PTPRG: variants seen among roughly 807,000 people sequenced by gnomAD.
PTPRG encodes protein tyrosine phosphatase receptor type G.
In PTPRG, 102 loss-of-function variants were observed where a neutral mutation model predicts 165.3. The observed-to-expected ratio is 0.62, with a 90% CI of 0.53 to 0.73. PTPRG has a LOEUF of 0.73. Ranked by LOEUF, PTPRG falls within the 30% of genes least tolerant of loss-of-function variation. PTPRG has a pLI of 0.00. For synonymous variants in PTPRG, 675 were observed against 669.5 expected (o/e 1.01, Z -0.13); for missense variants, 1,866 against 1,861.4 (o/e 1.00, Z -0.05).
rs1162341605 is a variant in PTPRG at position 62,275,820 on chromosome 3, A to G, written c.3466-53A>G. ...GGGATTTTTGCCAAAGCATCAAGCA[A>G]ATGCTATCAATTATATCTTTGAATG... is the stretch of plus-strand genomic sequence containing the variant. On this transcript the variant is annotated intron_variant, in intron 23 of 29. Coordinates refer to ENST00000474889, the MANE Select transcript of PTPRG (RefSeq NM_002841.4). The G allele has an allele frequency of 2.2e-6, 3 of 1,364,434 alleles. No homozygotes were observed. The African/African-American group carries it at 4.3e-5, about 20-fold the overall frequency. The allele number at this position is 1,364,434 out of a possible 1,614,324, so 84.5% of individuals were successfully genotyped here. A position where few individuals can be genotyped will look rare whatever the true frequency, so the allele number is the denominator to read the frequency against.
chr3:61,600,971 T>G (rs1700848998), intron 1 of PTPRG, among the ~76,000 whole-genome samples: 1 of 152,200 alleles, frequency 6.6e-6, no homozygotes, highest in Non-Finnish European at 1.5e-5. Context: ...AGAGCTTTTT[T>G]GGGCCAGATG....
intron 1 of PTPRG, among the ~76,000 whole-genome samples, chr3:61,577,962 C>A (rs1700203762): frequency 6.6e-6 from 1 of 152,212 alleles, no homozygotes; most frequent in African/African-American, 2.4e-5. Flanking sequence ...ATGGGTTTAA[C>A]AGTCCCTGCT....
chr3:62,003,271 T>C lies in PTPRG; in HGVS notation c.371-78T>C. 4 of 1,491,982 alleles carry C rather than the reference T, an allele frequency of 2.7e-6. No individual in the cohort carries two copies. The South Asian group carries it at 5.2e-5, about 19-fold the overall frequency. 92.4% of individuals were successfully genotyped at this position (1,491,982 alleles called of 1,614,324 possible). A position where few individuals can be genotyped will look rare whatever the true frequency, so the allele number is the denominator to read the frequency against. The stretch of plus-strand genomic sequence containing the variant: ...ATTCATATCATGGTAATGGTGAACT[T>C]TATTAGAAGTAACAGAAAAACTCCA... On this transcript the variant is annotated intron_variant, in intron 3 of 29. Coordinates refer to ENST00000474889, the MANE Select transcript of PTPRG (RefSeq NM_002841.4).
Position 62,218,853 on chromosome 3 carries a change from G to GA in PTPRG, c.2165dup (p.Asn722LysfsTer45), listed in dbSNP as rs869306841. ...ACTGGGATGATTTCTCTTGGCAGCGGAAAAAAACACCTCTGGAATGATAAG... is the reference window on the plus strand; with the variant it reads ...ACTGGGATGATTTCTCTTGGCAGCGGAAAAAAAACACCTCTGGAATGATAAG... On this transcript the variant is annotated frameshift_variant, in exon 13 of 30. Transcript: ENST00000474889. LOFTEE classifies it high-confidence loss of function. 1 of 1,612,002 alleles carries GA rather than the reference G, an allele frequency of 6.2e-7. No homozygotes were observed. The highest frequency in any genetic ancestry group is 1.3e-5 in the African/African-American group (1 of 74,934).
At chr3:61,708,775 G>A (rs887831051) in intron 1 of PTPRG, among the ~76,000 whole-genome samples, 2 of 152,060 alleles carry the variant, frequency 1.3e-5, no homozygotes, top group African/African-American at 4.8e-5. Flanking sequence ...ATCTTAAATT[G>A]AGCAATGCAT....
At chr3:62,172,761 G>A (rs552955573) in intron 8 of PTPRG, among the ~76,000 whole-genome samples, 87 of 152,198 alleles carry the variant, frequency 5.7e-4, no homozygotes, top group African/African-American at 1.7e-3. Context: ...GAGAATGAGT[G>A]GTATTCTGTA....
chr3:61,590,696 A>G (rs1194202355), intron 1 of PTPRG, among the ~76,000 whole-genome samples: 1 of 152,230 alleles, frequency 6.6e-6, no homozygotes. Context: ...CATGAATAAT[A>G]TGCTGTATTT....
intron 7 of PTPRG, among the ~76,000 whole-genome samples, chr3:62,160,356 G>A (rs1488971769): frequency 2.6e-5 from 4 of 152,228 alleles, no homozygotes; most frequent in Admixed American, 2.6e-4. Flanking sequence ...CCTCTGGCTT[G>A]TGTGATAATC....
chr3:62,223,051 G>C (rs934906140), intron 13 of PTPRG, among the ~76,000 whole-genome samples: 8 of 152,114 alleles, frequency 5.3e-5, no homozygotes, highest in African/African-American at 1.9e-4. Flanking sequence ...AGAGGGTGTG[G>C]AAGAATGAGG....
chr3:62,290,817 TAGAACATGTAGG>T (rs1239049549), intron 28 of PTPRG, among the ~76,000 whole-genome samples: 4 of 152,012 alleles, frequency 2.6e-5, no homozygotes, highest in Non-Finnish European at 5.9e-5. Flanking sequence ...AAAGTAAAAT[TAGAACATGTAGG>T]AGAGTATCTT....
At chr3:61,833,652 A>G (rs1384753314) in intron 2 of PTPRG, among the ~76,000 whole-genome samples, 2 of 151,632 alleles carry the variant, frequency 1.3e-5, no homozygotes, top group African/African-American at 4.9e-5. Context: ...AACCTCCGCC[A>G]CCTGGGTTCA....
intron 9 of PTPRG, among the ~76,000 whole-genome samples, chr3:62,194,445 C>G (rs144112206): frequency 1.3e-3 from 192 of 152,278 alleles, no homozygotes; most frequent in Non-Finnish European, 2.3e-3. Context: ...ATGTCCTCTG[C>G]CTTCTAGCCT....
At chr3:61,813,205 T>G (rs917452925) in intron 2 of PTPRG, among the ~76,000 whole-genome samples, 2 of 151,576 alleles carry the variant, frequency 1.3e-5, no homozygotes, top group Non-Finnish European at 2.9e-5. Context: ...TGAAAATCTT[T>G]GTGGGTATGG....
intron 4 of PTPRG, among the ~76,000 whole-genome samples, chr3:62,050,905 C>T (rs1413756828): frequency 2.6e-5 from 4 of 152,128 alleles, no homozygotes; most frequent in African/African-American, 4.8e-5. Flanking sequence ...TAAATATTTC[C>T]GGAAAGTTCT....
chr3:61,763,760 AT>A (rs1210365599), intron 2 of PTPRG, among the ~76,000 whole-genome samples: 1 of 152,152 alleles, frequency 6.6e-6, no homozygotes, highest in Non-Finnish European at 1.5e-5. Context: ...TGAAGTGAAA[AT>A]TTGATTTCAA....
intron 4 of PTPRG, among the ~76,000 whole-genome samples, chr3:62,024,451 CAAAAGAAT>C (rs2041764267): frequency 6.6e-6 from 1 of 152,164 alleles, no homozygotes; most frequent in Non-Finnish European, 1.5e-5. Flanking sequence ...CAGGTAACTT[CAAAAGAAT>C]ATTTGACACT....
At chr3:61,800,075 A>G (rs1341224304) in intron 2 of PTPRG, among the ~76,000 whole-genome samples, 3 of 152,324 alleles carry the variant, frequency 2.0e-5, no homozygotes, top group African/African-American at 7.2e-5. Flanking sequence ...AATAGAGTGA[A>G]AAATAAAGAC....
At chr3:62,136,451 G>A (rs1703712800) in intron 6 of PTPRG, among the ~76,000 whole-genome samples, 1 of 152,190 alleles carries the variant, frequency 6.6e-6, no homozygotes, top group African/African-American at 2.4e-5. Context: ...GTTGGTAAGA[G>A]AGGATGTGGA....
rs545317756 is a variant in PTPRG at position 61,958,201 on chromosome 3, A to C, written c.191-31424A>C. ...GAGTGCAGCGGTGCCATCTTAGCTC[A>C]CTGCAACCTCTGCCTCCCGAGTTCA... On this transcript the variant is annotated intron_variant, in intron 2 of 29. Transcript: ENST00000474889. Among the ~76,000 whole-genome samples the C allele has an allele frequency of 2.2e-4, 34 of 151,848 alleles. No individual in the cohort carries two copies. The South Asian group carries it at 7.1e-3, about 32-fold the overall frequency.
Sources: allele counts gnomAD v4.1 joint callset (sites outside exome capture counted in the v4.1 genomes callset), GRCh38; gene constraint gnomAD v4.1.1; transcripts MANE v1.5; gene names NCBI Gene and HGNC (gene_info 2026-07-23, HGNC 2026-07-21).